Variants in FAM53B observed in about 807,000 individuals in gnomAD.
FAM53B encodes protein FAM53B.
A neutral mutation model predicts 32.7 loss-of-function variants in FAM53B; 12 were observed. The observed-to-expected ratio is 0.37, with a 90% CI of 0.24 to 0.59. The LOEUF (loss-of-function observed/expected upper bound fraction) is 0.59, where lower values mean the gene tolerates loss of function less well. FAM53B is among the 20% of genes least tolerant of loss of function. The probability of loss-of-function intolerance (pLI) is 0.72; values close to 1 mark genes in which losing one functional copy is unlikely to be tolerated. For synonymous variants in FAM53B, 234 were observed against 228.7 expected (o/e 1.02, Z -0.21); for missense variants, 477 against 577.7 (o/e 0.83, Z 1.79).
intron 4 of FAM53B, among the ~76,000 whole-genome samples, chr10:124,642,070 G>C (rs1164605508): frequency 6.6e-6 from 1 of 152,214 alleles, no homozygotes; most frequent in African/African-American, 2.4e-5. Flanking sequence ...CCCACCCTGA[G>C]AACGTGAGTG....
intron 4 of FAM53B, among the ~76,000 whole-genome samples, chr10:124,635,839 A>G (rs924651803): frequency 4.6e-5 from 7 of 152,238 alleles, no homozygotes; most frequent in Non-Finnish European, 1.0e-4. Flanking sequence ...GCCAAAAAAA[A>G]GGGCATGAGA....
In FAM53B at chr10:124,621,076, C is replaced by G. The variant is rs1015607527; in HGVS notation, c.*2166G>C. The stretch of plus-strand genomic sequence containing the variant: ...CATATACCTGTCACCATGTGCCTCC[C>G]ACCCCAGCCCTAAGCAAAGGTAGCT... On this transcript the variant is annotated 3_prime_UTR_variant, in exon 5 of 5. Coordinates refer to ENST00000337318, the MANE Select transcript of FAM53B (RefSeq NM_014661.4). 6.6e-6 allele frequency: 1 copy of G among 152,270 alleles called. No homozygotes were observed. The highest frequency in any genetic ancestry group is 2.4e-5 in the African/African-American group (1 of 41,454). The allele number at this position is 152,270 out of a possible 1,614,324, so 9.4% of individuals were successfully genotyped here. A position where few individuals can be genotyped will look rare whatever the true frequency, so the allele number is the denominator to read the frequency against.
intron 4 of FAM53B, 127 bp from the exon 5 acceptor site, chr10:124,623,731 A>G: frequency 3.5e-6 from 4 of 1,133,386 alleles, no homozygotes; most frequent in Non-Finnish European, 4.8e-6. Flanking sequence ...GGTTCCTCCT[A>G]TCCAGGCAAG....
chr10:124,700,335 G>A (rs958284422), intron 2 of FAM53B, among the ~76,000 whole-genome samples: 1 of 152,166 alleles, frequency 6.6e-6, no homozygotes, highest in Non-Finnish European at 1.5e-5. Flanking sequence ...TGCACCCACA[G>A]TGGGAAGAAT....
intron 4 of FAM53B, among the ~76,000 whole-genome samples, chr10:124,676,172 G>T (rs1355408610): frequency 3.9e-5 from 6 of 152,204 alleles, no homozygotes; most frequent in African/African-American, 1.2e-4. Flanking sequence ...TCGTGTGCCT[G>T]CCCACAAAAG....
Position 124,682,222 on chromosome 10 carries a change from G to C in FAM53B, c.291C>G (p.Ser97Arg). 1 of 1,614,054 alleles carries C rather than the reference G, an allele frequency of 6.2e-7. No homozygotes were observed. The highest frequency in any genetic ancestry group is 8.5e-7 in the Non-Finnish European group (1 of 1,179,998). ...AGGGGTTCCCGTTGTGGTCGCTGAT[G>C]CTGAGGTCTTTGATCAGACTGGTCA... ...CAVTSLIKDL[S>R]ISDHNGNPSA... The change falls in exon 4 of 5, where the codon AGC becomes AGG. Residue 97 changes from serine to arginine, a missense_variant. Ser to Arg is a moderately radical substitution (Grantham distance 110). This residue lies in a region of FAM53B where 312 missense variants were observed against 420.2 expected (regional missense o/e 0.74). Coordinates refer to ENST00000337318, the MANE Select transcript of FAM53B (RefSeq NM_014661.4). The surrounding 1 kb of genome is among the most constrained non-coding windows in gnomAD (Gnocchi z 5.2).
chr10:124,677,768 T>C (rs1164952250), intron 4 of FAM53B, among the ~76,000 whole-genome samples: 2 of 152,188 alleles, frequency 1.3e-5, no homozygotes, highest in African/African-American at 4.8e-5. Context: ...GAGCCCCCAC[T>C]GCCATTAACT....
chr10:124,694,421 C>T (rs1278631495), intron 3 of FAM53B, among the ~76,000 whole-genome samples: 1 of 152,212 alleles, frequency 6.6e-6, no homozygotes, highest in African/African-American at 2.4e-5. Flanking sequence ...GGTCTCTGGG[C>T]CTCAAGACCT....
In FAM53B at chr10:124,682,963, T is replaced by C. The variant is rs1282093368; in HGVS notation, c.134-584A>G. Reference sequence around the variant, plus strand: ...TTTGCTGATAATAGAAGCTGGAACTTGTACTGATTTAGGTCACCTCCGTCA... The same window carrying C: ...TTTGCTGATAATAGAAGCTGGAACTCGTACTGATTTAGGTCACCTCCGTCA... On this transcript the variant is annotated intron_variant, in intron 3 of 4. Transcript: ENST00000337318. This position sits in a 1 kb window ranked among gnomAD's most constrained non-coding sequence, Gnocchi z 5.2. Among the ~76,000 whole-genome samples the C allele has an allele frequency of 2.0e-5, 3 of 152,240 alleles. No individual in the cohort carries two copies. In the East Asian group the frequency reaches 5.8e-4, roughly 29 times the overall value.
intron 4 of FAM53B, among the ~76,000 whole-genome samples, chr10:124,637,374 C>T (rs1314764048): frequency 6.6e-6 from 1 of 152,216 alleles, no homozygotes; most frequent in Non-Finnish European, 1.5e-5. Context: ...GTCTTGCTTG[C>T]TCTGGGCCCA....
chr10:124,673,720 G>A (rs1949720605), intron 4 of FAM53B, among the ~76,000 whole-genome samples: 1 of 152,184 alleles, frequency 6.6e-6, no homozygotes, highest in Admixed American at 6.5e-5. Flanking sequence ...TGGAGTCACT[G>A]GGCTAGGAAT....
intron 1 of FAM53B, among the ~76,000 whole-genome samples, chr10:124,728,438 G>A (rs914274391): frequency 6.6e-5 from 10 of 152,212 alleles, no homozygotes; most frequent in Non-Finnish European, 1.2e-4. Context: ...TTCTGGCCTC[G>A]CCCACGAGGT....
At position 124,659,373 on chromosome 10, in the gene FAM53B, T is replaced by C. The variant is rs933323909; in HGVS notation, c.906+22234A>G. The stretch of plus-strand genomic sequence containing the variant: ...TTCCTCCTTGCCCCTCATCTTTTCA[T>C]TGTCAGTTTCAAAACAGGCCAGTGC... On this transcript the variant is annotated intron_variant, in intron 4 of 4. Coordinates refer to ENST00000337318, the MANE Select transcript of FAM53B (RefSeq NM_014661.4). Among the ~76,000 whole-genome samples, 9 of 152,252 alleles carry C rather than the reference T, an allele frequency of 5.9e-5. No individual in the cohort carries two copies. The East Asian group carries it at 7.7e-4, about 13-fold the overall frequency.
intron 4 of FAM53B, among the ~76,000 whole-genome samples, chr10:124,669,821 T>C (rs983468772): frequency 2.0e-5 from 3 of 152,120 alleles, no homozygotes; most frequent in Admixed American, 1.3e-4. Context: ...GCACTCCCTT[T>C]TCTTCCCTGG....
At chr10:124,692,735 A>G (rs1487104254) in intron 3 of FAM53B, among the ~76,000 whole-genome samples, 2 of 151,516 alleles carry the variant, frequency 1.3e-5, no homozygotes, top group Non-Finnish European at 1.5e-5. Context: ...AAAAAAAAAA[A>G]AAAAGGCATT....
intron 3 of FAM53B, among the ~76,000 whole-genome samples, chr10:124,688,287 T>C (rs971180179): frequency 2.0e-5 from 3 of 152,256 alleles, no homozygotes; most frequent in African/African-American, 4.8e-5. Context: ...CAGAGCGCGA[T>C]GGCCCACAGC....
intron 4 of FAM53B, among the ~76,000 whole-genome samples, chr10:124,635,403 A>G (rs1720600873): frequency 6.6e-6 from 1 of 152,218 alleles, no homozygotes; most frequent in South Asian, 2.1e-4. Flanking sequence ...ATTATTTTAA[A>G]AGGGCAAATG....
At chr10:124,731,373 G>T (rs1165487670) in intron 1 of FAM53B, among the ~76,000 whole-genome samples, 5 of 152,118 alleles carry the variant, frequency 3.3e-5, no homozygotes, top group African/African-American at 9.7e-5. Context: ...TGGCTGAACC[G>T]AAGTCAAAAG....
At chr10:124,657,004 G>A (rs1457094271) in intron 4 of FAM53B, among the ~76,000 whole-genome samples, 6 of 150,306 alleles carry the variant, frequency 4.0e-5, no homozygotes, top group Admixed American at 1.3e-4. Flanking sequence ...AAACCTGCAC[G>A]TTGTGCACAT....
Sources: allele counts gnomAD v4.1 joint callset (sites outside exome capture counted in the v4.1 genomes callset), GRCh38; gene constraint gnomAD v4.1.1; regional missense constraint gnomAD v4.1.1; non-coding constraint Gnocchi (gnomAD v3.1); transcripts MANE v1.5; gene names NCBI Gene and HGNC (gene_info 2026-07-23, HGNC 2026-07-21).